Variants in FOCAD observed in about 807,000 individuals in gnomAD.
The protein encoded by FOCAD is KIAA1797.
A neutral mutation model predicts 225.6 loss-of-function variants in FOCAD; 198 were observed. That is an observed-to-expected ratio of 0.88 (90% CI 0.78 to 0.99). The LOEUF (loss-of-function observed/expected upper bound fraction) is 0.99. Among genes scored for constraint, FOCAD ranks in the 50% least tolerant of loss-of-function variants. FOCAD has a pLI of 0.00. For missense variants in FOCAD, 2,713 were observed against 2,123.6 expected, an observed-to-expected ratio of 1.28 and a Z score of -5.46; for synonymous variants, 897 against 755.0, an observed-to-expected ratio of 1.19 and a Z score of -3.08.
At chr9:20,921,242 C>A (rs1433778734) in intron 24 of FOCAD, among the ~76,000 whole-genome samples, 2 of 152,088 alleles carry the variant, frequency 1.3e-5, no homozygotes. Context: ...AATACTTTGT[C>A]CCTAAGAAAG....
At chr9:20,735,405 G>C (rs1429958104) in intron 4 of FOCAD, among the ~76,000 whole-genome samples, 1 of 152,022 alleles carries the variant, frequency 6.6e-6, no homozygotes, top group African/African-American at 2.4e-5. Flanking sequence ...TGTATGTTCT[G>C]ATATTCATGC....
At chr9:20,827,937 C>T (rs1391113666) in intron 15 of FOCAD, among the ~76,000 whole-genome samples, 2 of 151,830 alleles carry the variant, frequency 1.3e-5, no homozygotes, top group Non-Finnish European at 2.9e-5. Context: ...CTTTGGGAGG[C>T]CAAGGTGGGC....
intron 15 of FOCAD, among the ~76,000 whole-genome samples, chr9:20,851,736 A>G (rs1390000800): frequency 6.6e-6 from 1 of 151,876 alleles, no homozygotes; most frequent in Non-Finnish European, 1.5e-5. Flanking sequence ...AAGTTAAAGA[A>G]GCATTGGTCT....
intron 5 of FOCAD, among the ~76,000 whole-genome samples, chr9:20,753,532 C>G (rs1386368733): frequency 3.3e-5 from 5 of 151,770 alleles, no homozygotes; most frequent in Admixed American, 2.6e-4. Context: ...GGTGGATAAG[C>G]TTTTTGATGT....
chr9:20,759,293 A>G (rs920415519), intron 6 of FOCAD, among the ~76,000 whole-genome samples: 7 of 152,122 alleles, frequency 4.6e-5, no homozygotes, highest in South Asian at 2.1e-4. Context: ...GAGGCATCAC[A>G]CTACCTGACT....
At chr9:20,676,902 A>T (rs7868428) in intron 2 of FOCAD, among the ~76,000 whole-genome samples, 32,570 of 152,142 alleles carry the variant, frequency 0.21, 3,783 homozygotes, top group African/African-American at 0.31. Context: ...AAAATTTATA[A>T]CAAACCACAA....
chr9:20,660,145 G>A (rs1034014595), intron 2 of FOCAD, among the ~76,000 whole-genome samples: 6 of 152,156 alleles, frequency 3.9e-5, no homozygotes, highest in Non-Finnish European at 5.9e-5. Context: ...ATGTGGAGAC[G>A]AGGAGATAAG....
chr9:20,697,731 A>G (rs1020942337), intron 1 of FOCAD, among the ~76,000 whole-genome samples: 4 of 152,250 alleles, frequency 2.6e-5, no homozygotes, highest in Non-Finnish European at 5.9e-5. Context: ...AATTTGGAAA[A>G]TTAAAAACTA....
At chr9:20,774,737 T>C (rs1372916967) in intron 8 of FOCAD, among the ~76,000 whole-genome samples, 29 of 152,178 alleles carry the variant, frequency 1.9e-4, no homozygotes, top group Admixed American at 1.9e-3. Flanking sequence ...TTGATTATAA[T>C]GTAGAGTCAC....
chr9:20,822,558 G>C (rs1317498839), intron 14 of FOCAD, among the ~76,000 whole-genome samples: 2 of 151,942 alleles, frequency 1.3e-5, no homozygotes, highest in African/African-American at 2.4e-5. Context: ...AACCACCCTA[G>C]TTAGTATTGC....
In FOCAD at chr9:20,926,396, A is replaced by G. The variant is rs757172095; in HGVS notation, c.3057A>G (p.Gln1019=). Residue 1019 remains glutamine (Q), a synonymous_variant, in exon 26 of 44, where the codon CAA becomes CAG. Coordinates refer to ENST00000338382, the MANE Select transcript of FOCAD (RefSeq NM_001375567.1). ...ATAGCCATTACCAACCCAGAGGGCA[A>G]CTTCTCTCCTGGTTTTATTATGTAA... is the stretch of plus-strand genomic sequence containing the variant. ...IVDSHYQPRG[Q]LLSWFYYKSY... 12 of 1,608,122 alleles carry G rather than the reference A, an allele frequency of 7.5e-6. No individual in the cohort carries two copies. Among genetic ancestry groups the G allele is most frequent in the Middle Eastern group, 1.7e-4 (1 of 6,054 alleles).
intron 21 of FOCAD, among the ~76,000 whole-genome samples, chr9:20,906,654 C>G (rs1156383640): frequency 1.3e-5 from 2 of 151,978 alleles, no homozygotes; most frequent in Non-Finnish European, 2.9e-5. Flanking sequence ...GTGTGCAGTA[C>G]TCATTTGCCT....
chr9:20,820,520 G>A, intron 13 of FOCAD, 95 bp downstream of exon 13: 4 of 988,950 alleles, frequency 4.0e-6, no homozygotes, highest in Non-Finnish European at 6.0e-6. Flanking sequence ...TGGTTTAGTG[G>A]TATTAATGAG....
chr9:20,857,017 T>C (rs568168861), intron 15 of FOCAD, among the ~76,000 whole-genome samples: 3 of 152,176 alleles, frequency 2.0e-5, no homozygotes, highest in Non-Finnish European at 4.4e-5. Context: ...TGAAATCAGA[T>C]AATGTGATTC....
intron 7 of FOCAD, 58 bp downstream of exon 7, chr9:20,765,131 T>C: frequency 6.8e-7 from 1 of 1,462,494 alleles, no homozygotes; most frequent in Non-Finnish European, 9.3e-7. Context: ...GTTGTTATTG[T>C]CATAGACAAA....
intron 22 of FOCAD, among the ~76,000 whole-genome samples, chr9:20,909,065 A>G (rs1255397396): frequency 4.6e-5 from 7 of 152,104 alleles, no homozygotes; most frequent in Admixed American, 6.6e-5. Flanking sequence ...TAAGAATTCT[A>G]TTTAGCTCTT....
At chr9:20,759,226 G>A (rs917305237) in intron 6 of FOCAD, among the ~76,000 whole-genome samples, 1 of 152,082 alleles carries the variant, frequency 6.6e-6, no homozygotes, top group Non-Finnish European at 1.5e-5. Context: ...AAGTTCATAT[G>A]GAACCAAAAA....
intron 35 of FOCAD, among the ~76,000 whole-genome samples, chr9:20,967,975 G>A (rs1009283021): frequency 6.6e-6 from 1 of 152,016 alleles, no homozygotes; most frequent in African/African-American, 2.4e-5. Flanking sequence ...TGATCTCTTA[G>A]AATAAGTTAG....
At chr9:20,875,459 G>A (rs1177005561) in intron 19 of FOCAD, 2 of 152,226 alleles carry the variant, frequency 1.3e-5, no homozygotes, top group African/African-American at 4.8e-5. Context: ...GCCTGGTGTG[G>A]TGGTGCATGC....
Sources: gnomAD v4.1 joint callset for allele counts (sites outside exome capture counted in the v4.1 genomes callset) on GRCh38, gnomAD v4.1.1 for gene constraint, MANE v1.5 for transcripts, NCBI Gene and HGNC (gene_info 2026-07-23, HGNC 2026-07-21) for gene names.